Variants in ARPP21 observed in about 807,000 individuals in gnomAD.
The protein encoded by ARPP21 is cAMP-regulated phosphoprotein 21.
Under a neutral mutation model 113.2 loss-of-function variants are expected in ARPP21, and 69 were observed. That is an observed-to-expected ratio of 0.61 (90% CI 0.50 to 0.74). The LOEUF (loss-of-function observed/expected upper bound fraction) is 0.74. Among genes scored for constraint, ARPP21 ranks in the 30% least tolerant of loss-of-function variants. The pLI is 0.00. For synonymous variants in ARPP21, 368 were observed against 375.5 expected, an observed-to-expected ratio of 0.98 and a Z score of 0.23; for missense variants, 1,070 against 1,037.4, an observed-to-expected ratio of 1.03 and a Z score of -0.43.
intron 1 of ARPP21, among the ~76,000 whole-genome samples, chr3:35,646,210 A>T (rs1700164325): frequency 6.6e-6 from 1 of 152,074 alleles, no homozygotes; most frequent in Non-Finnish European, 1.5e-5. Context: ...TTTGCCCATA[A>T]ATTCAATGGA....
rs1390148450 is a variant in ARPP21, at chr3:35,729,497, G to A, written c.1420G>A (p.Gly474Ser). The A allele has an allele frequency of 1.9e-6, 3 of 1,614,096 alleles. No homozygotes were observed. Among genetic ancestry groups the A allele is most frequent in the Non-Finnish European group, 2.5e-6 (3 of 1,180,054 alleles). The change falls in exon 15 of 21, where the codon GGC becomes AGC. Residue 474 changes from glycine (G) to serine (S), a missense_variant. Coordinates refer to ENST00000684406, the MANE Select transcript of ARPP21 (RefSeq NM_001385562.1). ...YILLPLEAAT[G>S]IPPGSILLNP... ...CCTCCTTCCACTTGAAGCTGCAACA[G>A]GCATCCCGCCTGGAAGCATCCTTCT...
intron 1 of ARPP21, among the ~76,000 whole-genome samples, chr3:35,652,612 A>ACAGAAG (rs1041505785): frequency 6.6e-6 from 1 of 152,078 alleles, no homozygotes; most frequent in Non-Finnish European, 1.5e-5. Flanking sequence ...CAGCATTGAG[A>ACAGAAG]CAGAAGCAGA....
chr3:35,684,875 A>G (rs2080089024), intron 5 of ARPP21: 6 of 985,008 alleles, frequency 6.1e-6, no homozygotes, highest in South Asian at 9.4e-5. Context: ...TTCAGTGGCC[A>G]TTACTATGTT....
At chr3:35,758,205 C>T (rs2095640840) in intron 19 of ARPP21, among the ~76,000 whole-genome samples, 4 of 151,930 alleles carry the variant, frequency 2.6e-5, no homozygotes, top group Admixed American at 2.6e-4. Flanking sequence ...TGTAGAGAAA[C>T]AGCAATTACA....
intron 1 of ARPP21, among the ~76,000 whole-genome samples, chr3:35,667,952 A>G (rs2075054204): frequency 9.1e-4 from 11 of 12,108 alleles, no homozygotes; most frequent in Non-Finnish European, 1.1e-3. Flanking sequence ...AGAAGAAAAG[A>G]AGAAGAAGAA....
At chr3:35,720,914 A>G (rs878863773) in intron 13 of ARPP21, among the ~76,000 whole-genome samples, 7 of 152,178 alleles carry the variant, frequency 4.6e-5, no homozygotes, top group Admixed American at 3.9e-4. Context: ...GTTTTGTGTC[A>G]GTGTATAGTG....
At chr3:35,640,494 T>G (rs1378179614) in intron 1 of ARPP21, 96 bp downstream of exon 1, 1 of 152,214 alleles carries the variant, frequency 6.6e-6, no homozygotes, top group Non-Finnish European at 1.5e-5. Flanking sequence ...CTGTTTCTTT[T>G]GAATTTTTTC....
At chr3:35,662,626 CA>C (rs982961983) in intron 1 of ARPP21, among the ~76,000 whole-genome samples, 23 of 152,118 alleles carry the variant, frequency 1.5e-4, no homozygotes, top group African/African-American at 5.3e-4. Context: ...GAGAGTCCCA[CA>C]AAGGGTTGAG....
intron 1 of ARPP21, among the ~76,000 whole-genome samples, chr3:35,644,588 C>G (rs912686990): frequency 2.0e-5 from 3 of 151,870 alleles, no homozygotes; most frequent in African/African-American, 7.2e-5. Context: ...TCTAAACTTA[C>G]CGAGACATAT....
chr3:35,642,993 C>T (rs1344532539), intron 1 of ARPP21, among the ~76,000 whole-genome samples: 3 of 151,952 alleles, frequency 2.0e-5, no homozygotes, highest in Admixed American at 2.0e-4. Flanking sequence ...TGTAATGTCA[C>T]AATAAAGGGC....
intron 1 of ARPP21, chr3:35,641,793 G>A (rs538251354): frequency 6.6e-6 from 1 of 152,232 alleles, no homozygotes; most frequent in African/African-American, 2.4e-5. Context: ...TTTCTGGAGA[G>A]TGAGTTTGGG....
intron 8 of ARPP21, among the ~76,000 whole-genome samples, 184 bp downstream of exon 8, chr3:35,690,324 T>A (rs1313394467): frequency 2.6e-5 from 4 of 151,498 alleles, no homozygotes; most frequent in Non-Finnish European, 5.9e-5. Flanking sequence ...GCTTGGACCA[T>A]GTGTGCTTCT....
intron 19 of ARPP21, among the ~76,000 whole-genome samples, chr3:35,764,341 C>A (rs2095877480): frequency 6.6e-6 from 1 of 152,080 alleles, no homozygotes. Flanking sequence ...CTTTTATTAT[C>A]ATGGCTTTGA....
intron 13 of ARPP21, among the ~76,000 whole-genome samples, chr3:35,718,700 C>T (rs900937745): frequency 6.6e-6 from 1 of 151,642 alleles, no homozygotes; most frequent in Non-Finnish European, 1.5e-5. Flanking sequence ...CTAGCCCGTG[C>T]AAAAAAGATG....
chr3:35,792,249 A>G (rs2096762064), intron 19 of ARPP21, 133 bp from the exon 20 acceptor site: 4 of 720,520 alleles, frequency 5.6e-6, no homozygotes, highest in East Asian at 2.5e-5. Flanking sequence ...TAGGGAATAA[A>G]CATCTGATAA....
intron 9 of ARPP21, among the ~76,000 whole-genome samples, chr3:35,697,997 T>A (rs1157637398): frequency 1.3e-5 from 2 of 151,710 alleles, no homozygotes; most frequent in South Asian, 2.1e-4. Flanking sequence ...TGGCATCCTG[T>A]CATTTCTAAA....
chr3:35,651,033 GA>G (rs1313834288), intron 1 of ARPP21, among the ~76,000 whole-genome samples: 1 of 151,776 alleles, frequency 6.6e-6, no homozygotes. Context: ...AATTATTTCA[GA>G]AAAAAATGAT....
intron 1 of ARPP21, among the ~76,000 whole-genome samples, chr3:35,669,388 G>A (rs1344383889): frequency 6.6e-6 from 1 of 152,112 alleles, no homozygotes; most frequent in Non-Finnish European, 1.5e-5. Context: ...CAGAAGCTGA[G>A]TATTTTATAT....
At chr3:35,742,061 A>G (rs573755409) in intron 18 of ARPP21, among the ~76,000 whole-genome samples, 1 of 152,328 alleles carries the variant, frequency 6.6e-6, no homozygotes, top group East Asian at 1.9e-4. Flanking sequence ...TTTTCCATGC[A>G]GCTGTACTTT....
Sources: allele counts gnomAD v4.1 joint callset (sites outside exome capture counted in the v4.1 genomes callset), GRCh38; gene constraint gnomAD v4.1.1; transcripts MANE v1.5; gene names NCBI Gene and HGNC (gene_info 2026-07-23, HGNC 2026-07-21).